TANC2: variants seen among roughly 807,000 people sequenced by gnomAD.
The protein encoded by TANC2 is protein TANC2.
Under a neutral mutation model 210.5 loss-of-function variants are expected in TANC2, and 26 were observed. The ratio of observed to expected loss-of-function variants is 0.12; its 90% CI spans 0.09 to 0.17. TANC2 has a LOEUF of 0.17. TANC2 is among the 10% of genes least tolerant of loss of function. The pLI is 1.00. For missense variants in TANC2, 2,129 were observed against 2,608.9 expected (o/e 0.82, Z 4.01); for synonymous variants, 931 against 967.1 (o/e 0.96, Z 0.69).
chr17:63,122,790 A>G (rs147728783), intron 4 of TANC2, among the ~76,000 whole-genome samples: 2 of 152,342 alleles, frequency 1.3e-5, no homozygotes, highest in Non-Finnish European at 2.9e-5. Flanking sequence ...CAGATTCCCC[A>G]GATAAATTAT....
At chr17:63,074,692 C>G (rs2036513515) in intron 3 of TANC2, among the ~76,000 whole-genome samples, 1 of 152,018 alleles carries the variant, frequency 6.6e-6, no homozygotes, top group Admixed American at 6.6e-5. Flanking sequence ...GATTTTTATG[C>G]TTTGTTCACT....
intron 8 of TANC2, among the ~76,000 whole-genome samples, chr17:63,243,874 G>T (rs2042844915): frequency 1.3e-5 from 2 of 152,176 alleles, no homozygotes; most frequent in African/African-American, 4.8e-5. Context: ...CAGCCATTTA[G>T]TTCATCCCTA....
intron 10 of TANC2, among the ~76,000 whole-genome samples, chr17:63,317,772 G>A (rs940391045): frequency 3.9e-4 from 59 of 152,194 alleles, no homozygotes; most frequent in African/African-American, 1.3e-3. Context: ...TTCTACTATT[G>A]TCTGAATACC....
intron 4 of TANC2, among the ~76,000 whole-genome samples, chr17:63,137,921 G>A (rs1283626243): frequency 6.6e-6 from 1 of 152,068 alleles, no homozygotes; most frequent in Non-Finnish European, 1.5e-5. Flanking sequence ...GAGTGTCCAA[G>A]GTATTATATA....
chr17:63,202,555 A>G (rs977044136), intron 7 of TANC2, among the ~76,000 whole-genome samples: 5 of 152,200 alleles, frequency 3.3e-5, no homozygotes, highest in Admixed American at 2.0e-4. Flanking sequence ...TTAAGTATTT[A>G]GGAGCAGAGC....
chr17:63,117,475 C>T (rs1045029786), intron 4 of TANC2, among the ~76,000 whole-genome samples: 5 of 152,202 alleles, frequency 3.3e-5, no homozygotes, highest in African/African-American at 1.2e-4. Flanking sequence ...CAGAATACCA[C>T]AGTGCTTCTC....
intron 19 of TANC2, 118 bp from the exon 20 acceptor site, chr17:63,405,004 T>A: frequency 8.2e-7 from 1 of 1,225,854 alleles, no homozygotes; most frequent in Non-Finnish European, 1.1e-6. Flanking sequence ...CAAAAATCAT[T>A]ATTCTTAGAA....
exon 21 of TANC2, chr17:63,406,173 C>G: frequency 6.2e-7 from 1 of 1,613,872 alleles, no homozygotes; most frequent in Non-Finnish European, 8.5e-7. Context: ...CTTTTACTCA[C>G]CCATGGAGCT....
At chr17:63,233,607 A>T (rs2042541187) in intron 7 of TANC2, among the ~76,000 whole-genome samples, 1 of 152,098 alleles carries the variant, frequency 6.6e-6, no homozygotes, top group African/African-American at 2.4e-5. Context: ...TGCAGGATTC[A>T]CTCACCATTT....
chr17:63,073,371 TAAAA>T (rs556745711), intron 2 of TANC2, among the ~76,000 whole-genome samples: 65 of 152,242 alleles, frequency 4.3e-4, no homozygotes, highest in Non-Finnish European at 9.1e-4. Flanking sequence ...GGTTATTTCT[TAAAA>T]GAAGATGTAT....
chr17:63,314,703 A>G (rs2146591125), intron 10 of TANC2, 34 bp downstream of exon 10: 1 of 1,600,626 alleles, frequency 6.2e-7, no homozygotes, highest in Non-Finnish European at 8.5e-7. Flanking sequence ...TCCCTGTTTC[A>G]TTGGCGCTGA....
rs1203482098 is a variant in TANC2, at chr17:63,411,577, A to G, written c.3656A>G (p.His1219Arg). 1.9e-6 allele frequency: 3 copies of G among 1,613,988 alleles called. No individual in the cohort carries two copies. Among genetic ancestry groups the G allele is most frequent in the East Asian group, 2.2e-5 (1 of 44,880 alleles). ...CTCAGCTGGGCTTGTTTGAAGGGCC[A>G]TCTCTCAGTAGTACGTTCTCTGGTG... The change falls in exon 22 of 28, where the codon CAT becomes CGT. Residue 1219 changes from histidine to arginine, a missense_variant. Physicochemically the swap from His to Arg is conservative, Grantham distance 29 (BLOSUM62 0). Around this residue, in one of 5 missense-constraint regions of TANC2, gnomAD observed 644 missense variants for 937.5 expected, o/e 0.69. Transcript: ENST00000689528.
chr17:63,158,218 T>C (rs1042169730), intron 5 of TANC2, among the ~76,000 whole-genome samples: 3 of 152,196 alleles, frequency 2.0e-5, no homozygotes, highest in Admixed American at 2.0e-4. Context: ...ATCTCTAATC[T>C]ACTCTGGTTC....
chr17:63,189,539 A>G (rs911843209), intron 5 of TANC2, among the ~76,000 whole-genome samples: 8 of 152,026 alleles, frequency 5.3e-5, no homozygotes, highest in African/African-American at 1.9e-4. Context: ...GTACTTATTG[A>G]CCATTTGTAT....
intron 8 of TANC2, among the ~76,000 whole-genome samples, chr17:63,248,670 C>A (rs1480408697): frequency 2.6e-5 from 4 of 152,050 alleles, no homozygotes; most frequent in Non-Finnish European, 2.9e-5. Context: ...CATCTTCTGG[C>A]ATGACCAGGA....
At chr17:63,389,576 C>A in intron 17 of TANC2, 32 bp downstream of exon 17, 1 of 1,559,360 alleles carries the variant, frequency 6.4e-7, no homozygotes, top group Non-Finnish European at 8.7e-7. Flanking sequence ...TGCTTTTCTT[C>A]CCTTTTTCTT....
chr17:63,160,166 C>G (rs945598183), intron 5 of TANC2, among the ~76,000 whole-genome samples: 4 of 152,234 alleles, frequency 2.6e-5, no homozygotes, highest in Admixed American at 6.5e-5. Context: ...TCTCCAAATA[C>G]AGCCACACTG....
chr17:63,082,095 C>T (rs553226065), intron 3 of TANC2, among the ~76,000 whole-genome samples: 2 of 152,182 alleles, frequency 1.3e-5, no homozygotes, highest in East Asian at 3.9e-4. Context: ...GGCATGAACC[C>T]GGGAGGCGGA....
intron 6 of TANC2, among the ~76,000 whole-genome samples, chr17:63,199,924 A>G (rs954985354): frequency 6.6e-6 from 1 of 152,228 alleles, no homozygotes; most frequent in Non-Finnish European, 1.5e-5. Context: ...TTATTAGACA[A>G]ACTTTTAGAA....
Sources: allele counts gnomAD v4.1 joint callset (sites outside exome capture counted in the v4.1 genomes callset), GRCh38; gene constraint gnomAD v4.1.1; regional missense constraint gnomAD v4.1.1; transcripts MANE v1.5; gene names NCBI Gene and HGNC (gene_info 2026-07-23, HGNC 2026-07-21).